The following AGAP6 variants were observed in gnomAD, a reference collection of about 807,000 sequenced individuals.
AGAP6 encodes ArfGAP with GTPase domain, ankyrin repeat and PH domain 6.
A neutral mutation model predicts 63.9 loss-of-function variants in AGAP6; 29 were observed. The observed-to-expected ratio is 0.45, with a 90% confidence interval of 0.34 to 0.62. AGAP6 has a LOEUF of 0.62. Ranked by LOEUF, AGAP6 falls within the 20% of genes least tolerant of loss-of-function variation. The pLI is 0.01. For missense variants in AGAP6, 493 were observed against 884.9 expected, an observed-to-expected ratio of 0.56 and a Z score of 5.62; for synonymous variants, 199 against 332.9, an observed-to-expected ratio of 0.60 and a Z score of 4.38.
chr10:49,999,300 G>T (rs1841607772), intron 4 of AGAP6, among the ~76,000 whole-genome samples: 1 of 133,450 alleles, frequency 7.5e-6, no homozygotes, highest in African/African-American at 2.9e-5. Context: ...ATGCAGGGAT[G>T]GATTAACATA....
At chr10:50,007,826 G>T (rs2132162914) in intron 6 of AGAP6, among the ~76,000 whole-genome samples, 199 bp from the exon 7 acceptor site, 1 of 152,210 alleles carries the variant, frequency 6.6e-6, no homozygotes, top group Non-Finnish European at 1.5e-5. Flanking sequence ...TCATATAAAA[G>T]ACTTCACGAT....
intron 6 of AGAP6, among the ~76,000 whole-genome samples, chr10:50,006,727 T>G (rs1841924571): frequency 1.3e-5 from 2 of 151,760 alleles, no homozygotes; most frequent in Non-Finnish European, 2.9e-5. Flanking sequence ...AAAAAGTGAT[T>G]TTTCAGTTCA....
Position 50,009,746 on chromosome 10 carries a change from A to G in AGAP6, c.1621A>G (p.Asn541Asp), listed in dbSNP as rs781979794. ...GTCATCTATTGTCAATGACCTAGCC[A>G]ACAGCATCTGGGAAGGGAGCAGCCA... ...VMSSIVNDLA[N>D]SIWEGSSQGQ... is the part of the protein sequence containing the mutation. Residue 541 changes from asparagine to aspartate, a missense_variant, in exon 8 of 8, where the codon AAC (asparagine) becomes GAC (aspartate). Asn to Asp is a conservative substitution (Grantham distance 23). This residue lies in a region of AGAP6 where 87 missense variants were observed against 92.9 expected (regional missense o/e 0.94). Transcript: ENST00000412531. 6.8e-6 allele frequency: 11 copies of G among 1,614,048 alleles called. No individual in the cohort carries two copies. The highest frequency in any genetic ancestry group is 9.3e-6 in the Non-Finnish European group (11 of 1,180,020).
At chr10:50,002,168 T>C in intron 5 of AGAP6, 72 bp downstream of exon 5, 2 of 1,465,206 alleles carry the variant, frequency 1.4e-6, no homozygotes, top group Admixed American at 3.7e-5. Context: ...GGTTGTCCTT[T>C]TCAGCAATCA....
At chr10:49,991,645 C>T in intron 2 of AGAP6, 31 bp from the exon 3 acceptor site, 1 of 1,595,770 alleles carries the variant, frequency 6.3e-7, no homozygotes, top group Non-Finnish European at 8.5e-7. Context: ...ATGATTACAT[C>T]TTTTTTTCTT....
intron 2 of AGAP6, among the ~76,000 whole-genome samples, chr10:49,990,189 A>G (rs1554860549): frequency 6.6e-6 from 1 of 152,216 alleles, no homozygotes; most frequent in East Asian, 1.9e-4. Context: ...CTGTAATCCC[A>G]GCACTTTGGG....
At chr10:49,995,485 T>G (rs535940436) in intron 4 of AGAP6, among the ~76,000 whole-genome samples, 1 of 152,372 alleles carries the variant, frequency 6.6e-6, no homozygotes, top group Non-Finnish European at 1.5e-5. Flanking sequence ...ATTTATCACA[T>G]GCCTTTCAAA....
In AGAP6 at chr10:50,008,999, C is replaced by G; in HGVS notation, c.874C>G (p.Arg292Gly). ...CATTAAACAGGGCATGCTCTTAAAG[C>G]GAAGTGGGAAATGGCTGAAGACATG... Reference protein sequence around the residue: ...IPIKQGMLLKRSGKWLKTWKK... With the variant: ...IPIKQGMLLKGSGKWLKTWKK... Residue 292 changes from arginine (R) to glycine (G), a missense_variant, in exon 8 of 8, where the codon CGA (arginine) becomes GGA (glycine). Transcript: ENST00000412531. 1.9e-6 allele frequency: 3 copies of G among 1,613,858 alleles called. No individual in the cohort carries two copies. Among genetic ancestry groups the G allele is most frequent in the South Asian group, 2.2e-5 (2 of 91,074 alleles).
chr10:49,997,029 A>G (rs1458325519), intron 4 of AGAP6, among the ~76,000 whole-genome samples: 4 of 146,862 alleles, frequency 2.7e-5, no homozygotes. Context: ...TTTGTGGTCA[A>G]TCTATTATAT....
intron 4 of AGAP6, among the ~76,000 whole-genome samples, chr10:49,995,731 A>T (rs1329712009): frequency 6.6e-6 from 1 of 152,080 alleles, no homozygotes; most frequent in Non-Finnish European, 1.5e-5. Flanking sequence ...TATCATCTCT[A>T]GTTGTAGTTG....
chr10:50,005,190 A>G (rs1841869322), intron 6 of AGAP6, among the ~76,000 whole-genome samples: 1 of 152,238 alleles, frequency 6.6e-6, no homozygotes, highest in Non-Finnish European at 1.5e-5. Context: ...TCATTGAAAA[A>G]TAACTTTTCT....
chr10:50,008,690 T>C (rs1554864418), intron 7 of AGAP6, 21 bp from the exon 8 acceptor site: 3 of 1,614,102 alleles, frequency 1.9e-6, no homozygotes, highest in Non-Finnish European at 2.5e-6. Flanking sequence ...TTGAAGCCAT[T>C]CCTCCTCCTG....
In AGAP6 at chr10:49,989,295, T is replaced by C. The variant is rs1554860315; in HGVS notation, c.224-13T>C. 1.3e-6 allele frequency: 2 copies of C among 1,597,398 alleles called. No individual in the cohort carries two copies. Among genetic ancestry groups the C allele is most frequent in the South Asian group, 1.1e-5 (1 of 90,966 alleles). On this transcript the variant is annotated splice_polypyrimidine_tract_variant and intron_variant, in intron 1 of 7. Coordinates refer to ENST00000412531, the MANE Select transcript of AGAP6 (RefSeq NM_001077665.3). ...GATTACATCCTTTTTCTTTTCTCCC[T>C]CTATACATATAGCTTTGGAGTTTAA...
Position 49,994,870 on chromosome 10 carries a change from G to A in AGAP6, c.396+441G>A, listed in dbSNP as rs575523755. Among the ~76,000 whole-genome samples the A allele has an allele frequency of 2.0e-5, 3 of 150,786 alleles. No individual in the cohort carries two copies. In the East Asian group the frequency reaches 5.8e-4, roughly 29 times the overall value. The stretch of plus-strand genomic sequence containing the variant: ...TCAGCTACTCAGGAGGCTGAGGCAG[G>A]AGAATCACTTGAACCCAGGAGGCGG... On this transcript the variant is annotated intron_variant, in intron 4 of 7. Transcript: ENST00000412531.
chr10:49,989,491 A>G, intron 2 of AGAP6, 115 bp downstream of exon 2: 1 of 1,505,238 alleles, frequency 6.6e-7, no homozygotes, highest in Non-Finnish European at 8.9e-7. Context: ...ACTTTTCAGT[A>G]CCCATCTTAT....
At chr10:50,003,736 G>C (rs541061427) in intron 5 of AGAP6, among the ~76,000 whole-genome samples, 1 of 152,202 alleles carries the variant, frequency 6.6e-6, no homozygotes, top group Non-Finnish European at 1.5e-5. Flanking sequence ...AGTTTAGGAC[G>C]AGAAACTGCT....
chr10:49,996,177 A>G (rs1841479103), intron 4 of AGAP6, among the ~76,000 whole-genome samples: 1 of 150,816 alleles, frequency 6.6e-6, no homozygotes, highest in African/African-American at 2.4e-5. Context: ...TAGTTCTGGG[A>G]TATTCTGTGA....
chr10:49,990,176 C>T (rs1464768011), intron 2 of AGAP6, among the ~76,000 whole-genome samples: 4 of 152,140 alleles, frequency 2.6e-5, no homozygotes, highest in Non-Finnish European at 4.4e-5. Context: ...TGGTGGCTCA[C>T]GCCTGTAATC....
At chr10:49,999,485 T>C (rs1554862611) in intron 4 of AGAP6, among the ~76,000 whole-genome samples, 1 of 139,514 alleles carries the variant, frequency 7.2e-6, no homozygotes, top group African/African-American at 2.8e-5. Context: ...AAGCCATCTA[T>C]GACAAACCCA....
Sources: allele counts gnomAD v4.1 joint callset (sites outside exome capture counted in the v4.1 genomes callset), GRCh38; gene constraint gnomAD v4.1.1; regional missense constraint gnomAD v4.1.1; transcripts MANE v1.5; gene names NCBI Gene and HGNC (gene_info 2026-07-23, HGNC 2026-07-21).